The following PCSK6 variants were observed in gnomAD, a reference collection of about 807,000 sequenced individuals.
PCSK6 encodes paired basic amino acid cleaving enzyme 4.
A neutral mutation model predicts 123.3 loss-of-function variants in PCSK6; 85 were observed. The observed-to-expected ratio is 0.69, with a 90% CI of 0.58 to 0.83. PCSK6 has a LOEUF of 0.83. Ranked by LOEUF, PCSK6 falls within the 40% of genes least tolerant of loss-of-function variation. The probability of loss-of-function intolerance (pLI) is 0.00; values close to 1 mark genes in which losing one functional copy is unlikely to be tolerated. For missense variants in PCSK6, 1,191 were observed against 1,282.3 expected, an observed-to-expected ratio of 0.93 and a Z score of 1.09; for synonymous variants, 508 against 516.0, an observed-to-expected ratio of 0.98 and a Z score of 0.21.
rs35083182 is a variant in PCSK6, at chr15:101,342,129, C to CAAAAAA, written c.1859-10104_1859-10099dup. ...TGGGAAACAGAGTAAGACCCTGTCT[C>CAAAAAA]AAAAAAAAAAAAAAAAAAAAAAAAG... On this transcript the variant is annotated intron_variant, in intron 13 of 21. Transcript: ENST00000611716. Among the ~76,000 whole-genome samples the CAAAAAA allele has an allele frequency of 8.2e-3, 421 of 51,416 alleles. 37 individuals carry two copies. Among genetic ancestry groups the CAAAAAA allele is most frequent in the South Asian group, 0.015 (16 of 1,092 alleles). The allele number at this position is 51,416 out of a possible 152,430, so 33.7% of individuals were successfully genotyped here. A position where few individuals can be genotyped will look rare whatever the true frequency, so the allele number is the denominator to read the frequency against.
rs1403803487 is a variant in PCSK6, at chr15:101,431,989, C to T, written c.513+1G>A. The T allele has an allele frequency of 6.2e-6, 10 of 1,607,378 alleles. No homozygotes were observed. The highest frequency in any genetic ancestry group is 8.5e-6 in the Non-Finnish European group (10 of 1,174,614). On this transcript the variant is annotated splice_donor_variant, in intron 3 of 21. Coordinates refer to ENST00000611716, the MANE Select transcript of PCSK6 (RefSeq NM_002570.5). LOFTEE classifies it high-confidence loss of function. The stretch of plus-strand genomic sequence containing the variant: ...GCAGACAGAGGTCCTGTCCTACTCA[C>T]CAGGTACCACATGTTGGACCAAATG...
At chr15:101,364,236 G>A (rs2041322385) in intron 13 of PCSK6, among the ~76,000 whole-genome samples, 1 of 152,144 alleles carries the variant, frequency 6.6e-6, no homozygotes, top group Non-Finnish European at 1.5e-5. Flanking sequence ...GGGAACGACG[G>A]AACAGTGAAA....
At chr15:101,373,282 T>C (rs1053069182) in intron 11 of PCSK6, among the ~76,000 whole-genome samples, 1 of 152,158 alleles carries the variant, frequency 6.6e-6, no homozygotes, top group Non-Finnish European at 1.5e-5. Context: ...TCGTTTGGTT[T>C]TCAAAGCCAT....
intron 6 of PCSK6, among the ~76,000 whole-genome samples, chr15:101,405,910 T>C (rs1371159092): frequency 1.3e-5 from 2 of 152,104 alleles, no homozygotes; most frequent in South Asian, 2.1e-4. Context: ...GCCTGGCTAA[T>C]TTTTATATTT....
At chr15:101,469,486 T>C (rs1388398804) in intron 1 of PCSK6, among the ~76,000 whole-genome samples, 2 of 152,244 alleles carry the variant, frequency 1.3e-5, no homozygotes, top group Non-Finnish European at 2.9e-5. Flanking sequence ...TCTGTCATCT[T>C]AACCCCAAGT....
At chr15:101,341,938 C>T (rs1047072130) in intron 13 of PCSK6, among the ~76,000 whole-genome samples, 7 of 151,836 alleles carry the variant, frequency 4.6e-5, no homozygotes, top group East Asian at 3.9e-4. Flanking sequence ...AAGACCAGTC[C>T]GGCCAACATG....
intron 9 of PCSK6, among the ~76,000 whole-genome samples, chr15:101,386,427 T>TCA (rs2042065895): frequency 6.6e-6 from 1 of 152,074 alleles, no homozygotes; most frequent in African/African-American, 2.4e-5. Flanking sequence ...TTAAGGACGT[T>TCA]CACATTGCTC....
intron 4 of PCSK6, among the ~76,000 whole-genome samples, chr15:101,431,078 C>G (rs536361725): frequency 6.6e-6 from 1 of 152,320 alleles, no homozygotes; most frequent in South Asian, 2.1e-4. Context: ...CTTTAGGCTC[C>G]ATTCCTAAAA....
intron 13 of PCSK6, chr15:101,347,359 A>T: frequency 8.1e-7 from 1 of 1,237,954 alleles, no homozygotes; most frequent in Non-Finnish European, 1.0e-6. Flanking sequence ...CTTGGGAAAA[A>T]AGACATTGTT....
chr15:101,306,906 C>G (rs935904275), intron 21 of PCSK6, among the ~76,000 whole-genome samples: 1 of 152,182 alleles, frequency 6.6e-6, no homozygotes, highest in Non-Finnish European at 1.5e-5. Flanking sequence ...GGGCCACCGG[C>G]GGCCTATGGC....
intron 6 of PCSK6, among the ~76,000 whole-genome samples, chr15:101,421,787 C>G (rs1328167424): frequency 6.6e-6 from 1 of 152,180 alleles, no homozygotes; most frequent in African/African-American, 2.4e-5. Flanking sequence ...TGCTGGAAAA[C>G]AAGTGTTTGT....
intron 15 of PCSK6, among the ~76,000 whole-genome samples, chr15:101,326,737 G>C (rs958867401): frequency 3.3e-5 from 5 of 152,232 alleles, no homozygotes; most frequent in African/African-American, 1.2e-4. Context: ...AAACATCCAG[G>C]GTGGGTACGC....
chr15:101,306,994 C>A lies in PCSK6; in HGVS notation c.2812+219G>T, dbSNP rs557607655. Among the ~76,000 whole-genome samples, 9 of 152,328 alleles carry A rather than the reference C, an allele frequency of 5.9e-5. No individual in the cohort carries two copies. The South Asian group carries it at 1.7e-3, about 28-fold the overall frequency. ...AACAGATCAGCAGTGGCTGGGATGC[C>A]TCTCTGATCGATGTGAGAGGCCTAG... On this transcript the variant is annotated intron_variant, in intron 21 of 21. Transcript: ENST00000611716.
At chr15:101,395,204 T>C (rs551939800) in intron 7 of PCSK6, among the ~76,000 whole-genome samples, 2 of 152,298 alleles carry the variant, frequency 1.3e-5, no homozygotes, top group East Asian at 3.9e-4. Context: ...CATGCAACCT[T>C]ACTGCTCCAG....
rs754179846 is a variant in PCSK6 at position 101,389,531 on chromosome 15, CATCG to C, written c.1239_1242del (p.Asp414AlafsTer20). 1 of 1,613,574 alleles carries C rather than the reference CATCG, an allele frequency of 6.2e-7. No individual in the cohort carries two copies. On this transcript the variant is annotated frameshift_variant, in exon 9 of 22. Coordinates refer to ENST00000611716, the MANE Select transcript of PCSK6 (RefSeq NM_002570.5). LOFTEE classifies it high-confidence loss of function. The stretch of plus-strand genomic sequence containing the variant: ...GCAGAGACTGAGGTCCCAGTGTGGC[CATCG>C]GTACAGCGCTGACGCAGATCCGTGG...
At chr15:101,436,280 C>T (rs369763464) in intron 2 of PCSK6, among the ~76,000 whole-genome samples, 54 of 152,242 alleles carry the variant, frequency 3.5e-4, no homozygotes, top group Non-Finnish European at 7.4e-4. Flanking sequence ...TACACAGGCA[C>T]CCTCCCCCAG....
At chr15:101,458,607 C>A (rs886657981) in intron 1 of PCSK6, among the ~76,000 whole-genome samples, 1 of 152,092 alleles carries the variant, frequency 6.6e-6, no homozygotes, top group African/African-American at 2.4e-5. Context: ...TCTTCTCCAG[C>A]GCAAACAGAC....
chr15:101,321,766 C>T (rs1311427908), intron 18 of PCSK6, among the ~76,000 whole-genome samples: 1 of 152,190 alleles, frequency 6.6e-6, no homozygotes, highest in African/African-American at 2.4e-5. Context: ...GTCGTGGGCT[C>T]TGCCCAGACC....
At chr15:101,427,845 C>T in intron 6 of PCSK6, 47 bp downstream of exon 6, 2 of 1,450,662 alleles carry the variant, frequency 1.4e-6, no homozygotes, top group Non-Finnish European at 1.9e-6. Flanking sequence ...TCCCAGCTGC[C>T]CCTGCCCCAG....
Sources: allele counts gnomAD v4.1 joint callset (sites outside exome capture counted in the v4.1 genomes callset), GRCh38; gene constraint gnomAD v4.1.1; transcripts MANE v1.5; gene names NCBI Gene and HGNC (gene_info 2026-07-23, HGNC 2026-07-21).